The following ZNF407 variants were observed in gnomAD, a reference collection of about 807,000 sequenced individuals.
ZNF407 encodes zinc finger protein 407.
ZNF407 carries 17 observed loss-of-function variants against 131.2 expected under a neutral mutation model. The observed-to-expected ratio is 0.13, with a 90% confidence interval of 0.09 to 0.19. ZNF407 has a LOEUF of 0.19. ZNF407 is among the 10% of genes least tolerant of loss of function. ZNF407 has a pLI of 1.00. For missense variants in ZNF407, 2,681 were observed against 2,830.6 expected, an observed-to-expected ratio of 0.95 and a Z score of 1.20; for synonymous variants, 1,156 against 1,062.0, an observed-to-expected ratio of 1.09 and a Z score of -1.72.
chr18:74,736,743 A>T (rs764648598), intron 3 of ZNF407, among the ~76,000 whole-genome samples: 10 of 152,170 alleles, frequency 6.6e-5, no homozygotes, highest in Non-Finnish European at 1.5e-4. Context: ...AAAAACGAGA[A>T]TAAATTTCTG....
intron 8 of ZNF407, among the ~76,000 whole-genome samples, chr18:74,986,108 A>G (rs1180178485): frequency 6.6e-6 from 1 of 152,210 alleles, no homozygotes; most frequent in Non-Finnish European, 1.5e-5. Context: ...ATTGGCACTC[A>G]TTGTATGCAG....
At chr18:75,050,855 A>G (rs558197269) in intron 8 of ZNF407, among the ~76,000 whole-genome samples, 3 of 152,226 alleles carry the variant, frequency 2.0e-5, no homozygotes, top group Non-Finnish European at 2.9e-5. Flanking sequence ...TTCTCTTTCT[A>G]TAGTAACTTC....
intron 7 of ZNF407, among the ~76,000 whole-genome samples, chr18:74,890,402 A>G (rs1971368126): frequency 6.6e-6 from 1 of 152,190 alleles, no homozygotes; most frequent in Non-Finnish European, 1.5e-5. Flanking sequence ...TGGACGGTGA[A>G]CATTCTGTGG....
intron 6 of ZNF407, among the ~76,000 whole-genome samples, chr18:74,889,686 A>G (rs1311038992): frequency 6.6e-6 from 1 of 152,188 alleles, no homozygotes; most frequent in Non-Finnish European, 1.5e-5. Flanking sequence ...AACCTTGACC[A>G]TATAATCTAT....
intron 8 of ZNF407, among the ~76,000 whole-genome samples, chr18:74,993,151 A>T (rs1432374549): frequency 6.6e-6 from 1 of 152,216 alleles, no homozygotes; most frequent in Non-Finnish European, 1.5e-5. Flanking sequence ...CCCAAAAGGG[A>T]TAAAAGCAAA....
At chr18:75,007,639 T>C (rs1972926928) in intron 8 of ZNF407, among the ~76,000 whole-genome samples, 1 of 152,224 alleles carries the variant, frequency 6.6e-6, no homozygotes, top group African/African-American at 2.4e-5. Context: ...CTATGGTCTC[T>C]AATATGTTAG....
chr18:74,811,714 G>A (rs577954549), intron 4 of ZNF407, among the ~76,000 whole-genome samples: 4 of 152,126 alleles, frequency 2.6e-5, no homozygotes, highest in South Asian at 2.1e-4. Flanking sequence ...ATGAGTTCAT[G>A]TCCTTTGTAG....
chr18:75,056,122 T>G (rs1221194153), intron 8 of ZNF407, among the ~76,000 whole-genome samples: 1 of 152,260 alleles, frequency 6.6e-6, no homozygotes, highest in Non-Finnish European at 1.5e-5. Context: ...TATTATGCTA[T>G]GATATGTCTA....
At chr18:74,764,004 C>T (rs144458821) in intron 3 of ZNF407, among the ~76,000 whole-genome samples, 39 of 152,058 alleles carry the variant, frequency 2.6e-4, no homozygotes, top group African/African-American at 8.0e-4. Context: ...TGAGCCACCG[C>T]GCCCGGCCAT....
At chr18:74,811,759 T>C (rs1346936485) in intron 4 of ZNF407, among the ~76,000 whole-genome samples, 2 of 151,812 alleles carry the variant, frequency 1.3e-5, no homozygotes, top group Non-Finnish European at 2.9e-5. Flanking sequence ...TCATTCTCAG[T>C]AAACTATTGC....
chr18:74,624,885 T>C (rs1983718822), intron 1 of ZNF407, among the ~76,000 whole-genome samples: 1 of 152,220 alleles, frequency 6.6e-6, no homozygotes, highest in Non-Finnish European at 1.5e-5. Flanking sequence ...TCAAATGATA[T>C]TTTTGCTATC....
At chr18:75,020,252 G>A (rs1307053776) in intron 8 of ZNF407, among the ~76,000 whole-genome samples, 1 of 151,944 alleles carries the variant, frequency 6.6e-6, no homozygotes, top group East Asian at 1.9e-4. Flanking sequence ...TAGTGTGTAT[G>A]TGTATGTATA....
intron 6 of ZNF407, 83 bp from the exon 7 acceptor site, chr18:74,889,835 T>C: frequency 7.7e-7 from 1 of 1,292,432 alleles, no homozygotes; most frequent in Admixed American, 2.5e-5. Flanking sequence ...AATAAATGTT[T>C]TTTAAATTGT....
At chr18:74,997,352 C>T (rs184668422) in intron 8 of ZNF407, among the ~76,000 whole-genome samples, 6 of 152,246 alleles carry the variant, frequency 3.9e-5, no homozygotes, top group Non-Finnish European at 7.3e-5. Flanking sequence ...AGGGGCCTCT[C>T]GCAGCTCTGC....
At chr18:75,042,567 G>A (rs983240149) in intron 8 of ZNF407, among the ~76,000 whole-genome samples, 1 of 152,176 alleles carries the variant, frequency 6.6e-6, no homozygotes, top group Non-Finnish European at 1.5e-5. Context: ...TGCTTATATG[G>A]AGTGCATTTA....
At chr18:74,759,039 T>G (rs1466901787) in intron 3 of ZNF407, among the ~76,000 whole-genome samples, 3 of 152,214 alleles carry the variant, frequency 2.0e-5, no homozygotes, top group Non-Finnish European at 4.4e-5. Context: ...TGATGGTGTT[T>G]TTTGTTTTTT....
intron 4 of ZNF407, among the ~76,000 whole-genome samples, chr18:74,850,252 A>T (rs1315107613): frequency 1.3e-5 from 2 of 152,214 alleles, no homozygotes; most frequent in South Asian, 2.1e-4. Context: ...AAAACTCAAG[A>T]TATTTTTTAA....
At chr18:74,946,046 A>G (rs1355157497) in intron 8 of ZNF407, among the ~76,000 whole-genome samples, 2 of 152,222 alleles carry the variant, frequency 1.3e-5, no homozygotes, top group African/African-American at 2.4e-5. Context: ...TCATTACCTC[A>G]GTTATGACTG....
chr18:74,714,490 G>A (rs1160594412), intron 3 of ZNF407, among the ~76,000 whole-genome samples: 1 of 152,100 alleles, frequency 6.6e-6, no homozygotes, highest in Admixed American at 6.5e-5. Context: ...AATAATTTTA[G>A]TATAATTTAT....
Sources: allele counts gnomAD v4.1 joint callset (sites outside exome capture counted in the v4.1 genomes callset), GRCh38; gene constraint gnomAD v4.1.1; transcripts MANE v1.5; gene names NCBI Gene and HGNC (gene_info 2026-07-23, HGNC 2026-07-21).